The following TMEM11 variants were observed in gnomAD, a reference collection of about 807,000 sequenced individuals.
TMEM11 encodes the protein transmembrane protein 11, mitochondrial.
TMEM11 carries 1 observed loss-of-function variant against 17.0 expected under a neutral mutation model. The observed-to-expected ratio is 0.06, with a 90% CI of 0.02 to 0.28. The LOEUF is 0.28. Ranked by LOEUF, TMEM11 falls within the 10% of genes least tolerant of loss-of-function variation. The pLI, the probability that TMEM11 is intolerant of heterozygous loss-of-function variation, is 1.00. For synonymous variants in TMEM11, 122 were observed against 118.1 expected, an observed-to-expected ratio of 1.03 and a Z score of -0.21; for missense variants, 172 against 252.9, an observed-to-expected ratio of 0.68 and a Z score of 2.17.
chr17:21,203,669 T>C (rs1156410391), intron 1 of TMEM11, among the ~76,000 whole-genome samples: 1 of 148,724 alleles, frequency 6.7e-6, no homozygotes, highest in African/African-American at 2.5e-5. Context: ...ATTGTGCCAC[T>C]GCACTCCAGC....
At chr17:21,213,794 T>TA (rs1295645767) in intron 1 of TMEM11, 1 of 430,850 alleles carries the variant, frequency 2.3e-6, no homozygotes, top group Non-Finnish European at 4.1e-6. Flanking sequence ...CCCTGAGGCC[T>TA]GCGCTGGGCG....
At position 21,198,765 on chromosome 17, in the gene TMEM11, C is replaced by T; in HGVS notation, c.138G>A (p.Glu46=). 1 of 1,614,090 alleles carries T rather than the reference C, an allele frequency of 6.2e-7. No homozygotes were observed. ...YNGENAQDQF[E]YELEQALEAQ... ...CTTCCAGGGCCTGCTCCAGCTCGTA[C>T]TCAAACTGGTCTTGGGCATTCTCCC... is the stretch of plus-strand genomic sequence containing the variant. Residue 46 remains glutamate (E), a synonymous_variant, in exon 2 of 2, where the codon GAG becomes GAA. Transcript: ENST00000317635. The surrounding 1 kb of genome is among the most constrained non-coding windows in gnomAD (Gnocchi z 6.5).
intron 1 of TMEM11, chr17:21,213,104 G>A (rs1434606044): frequency 1.3e-5 from 2 of 151,680 alleles, no homozygotes; most frequent in Non-Finnish European, 3.0e-5. Context: ...GAATAATGCA[G>A]AGTAGTTGAG....
chr17:21,203,368 T>C (rs891367281), intron 1 of TMEM11, among the ~76,000 whole-genome samples: 3 of 152,210 alleles, frequency 2.0e-5, no homozygotes, highest in Admixed American at 6.5e-5. Context: ...TGCTGGGCCC[T>C]TGGGTTCAGG....
chr17:21,210,962 G>A (rs1189226392), intron 1 of TMEM11: 1 of 1,288,516 alleles, frequency 7.8e-7, no homozygotes, highest in East Asian at 5.6e-5. Context: ...AGGGCTCTGG[G>A]AGGTTCAGGG....
intron 1 of TMEM11, chr17:21,213,427 A>G (rs1975024246): frequency 6.6e-6 from 1 of 152,254 alleles, no homozygotes; most frequent in Non-Finnish European, 1.5e-5. Flanking sequence ...TGGAAGAAAC[A>G]CGCTCCTAGC....
intron 1 of TMEM11, among the ~76,000 whole-genome samples, chr17:21,206,556 G>A (rs1365927841): frequency 2.0e-5 from 3 of 151,892 alleles, no homozygotes; most frequent in Non-Finnish European, 2.9e-5. Context: ...ATTTTGTGGA[G>A]ACGGAGTTTC....
intron 1 of TMEM11, among the ~76,000 whole-genome samples, chr17:21,203,563 C>T (rs1232833695): frequency 6.6e-6 from 1 of 152,100 alleles, no homozygotes; most frequent in Non-Finnish European, 1.5e-5. Flanking sequence ...AAAAATTAGC[C>T]AGGCGCGGTG....
At chr17:21,199,837 C>A (rs1168986181) in intron 1 of TMEM11, among the ~76,000 whole-genome samples, 1 of 152,184 alleles carries the variant, frequency 6.6e-6, no homozygotes, top group Non-Finnish European at 1.5e-5. Flanking sequence ...GAAAAGCGAC[C>A]CTTTCCTTGA....
chr17:21,198,137 A>G lies in TMEM11; in HGVS notation c.*187T>C. The G allele has an allele frequency of 1.4e-6, 1 of 721,506 alleles. No individual in the cohort carries two copies. The highest frequency in any genetic ancestry group is 2.1e-5 in the South Asian group (1 of 48,266). 44.7% of individuals were successfully genotyped at this position (721,506 alleles called of 1,614,324 possible). On this transcript the variant is annotated 3_prime_UTR_variant, in exon 2 of 2. Coordinates refer to ENST00000317635, the MANE Select transcript of TMEM11 (RefSeq NM_003876.3). The surrounding 1 kb of genome is among the most constrained non-coding windows in gnomAD (Gnocchi z 6.5). Reference sequence around the variant, plus strand: ...TCAGACCCCCCTCTTGGGTTATGGAAATCCACATCTTAGTGTAATGAGCTG... The same window carrying G: ...TCAGACCCCCCTCTTGGGTTATGGAGATCCACATCTTAGTGTAATGAGCTG...
At chr17:21,203,440 G>A (rs1021714481) in intron 1 of TMEM11, among the ~76,000 whole-genome samples, 3 of 152,352 alleles carry the variant, frequency 2.0e-5, no homozygotes, top group African/African-American at 4.8e-5. Context: ...GCCATGACCA[G>A]GTGCGGTGGC....
chr17:21,206,371 G>T (rs997502290), intron 1 of TMEM11, among the ~76,000 whole-genome samples: 1 of 152,038 alleles, frequency 6.6e-6, no homozygotes, highest in Non-Finnish European at 1.5e-5. Context: ...ACAGACATGT[G>T]CTGCCACGCC....
At chr17:21,203,543 CGTCT>C in intron 1 of TMEM11, among the ~76,000 whole-genome samples, 1 of 152,144 alleles carries the variant, frequency 6.6e-6, no homozygotes. Context: ...AAGGTGAAAC[CGTCT>C]TTACCAAAAA....
At chr17:21,211,215 C>A in intron 1 of TMEM11, 1 of 1,289,752 alleles carries the variant, frequency 7.8e-7, no homozygotes, top group Admixed American at 2.3e-5. Flanking sequence ...TCATTACAAA[C>A]ACTGTTGGTT....
chr17:21,210,305 C>G (rs890062015), intron 1 of TMEM11, among the ~76,000 whole-genome samples: 4 of 152,170 alleles, frequency 2.6e-5, no homozygotes, highest in Non-Finnish European at 5.9e-5. Flanking sequence ...TCCTTACCTA[C>G]GAATCCAACT....
At chr17:21,205,768 T>C (rs983897679) in intron 1 of TMEM11, among the ~76,000 whole-genome samples, 2 of 151,872 alleles carry the variant, frequency 1.3e-5, no homozygotes, top group African/African-American at 4.8e-5. Flanking sequence ...AATCTGACTA[T>C]ACAAGTACTT....
At chr17:21,211,106 G>A (rs571020285) in intron 1 of TMEM11, 1 of 1,289,842 alleles carries the variant, frequency 7.8e-7, no homozygotes, top group African/African-American at 1.5e-5. Flanking sequence ...GTGTCTCAAA[G>A]ACGCCGACAG....
rs568628054 is a variant in TMEM11 at position 21,198,098 on chromosome 17, G to A, written c.*226C>T. On this transcript the variant is annotated 3_prime_UTR_variant, in exon 2 of 2. Transcript: ENST00000317635. The surrounding 1 kb of genome is among the most constrained non-coding windows in gnomAD (Gnocchi z 6.5). The stretch of plus-strand genomic sequence containing the variant: ...TCCATCAGCATTCCACTGCCCAGTC[G>A]GACTTCCACAGCCTCAGACCCCCCT... 20 of 557,734 alleles carry A rather than the reference G, an allele frequency of 3.6e-5. No individual in the cohort carries two copies. Among genetic ancestry groups the A allele is most frequent in the African/African-American group, 2.1e-4 (11 of 53,202 alleles). The allele number at this position is 557,734 out of a possible 1,614,324, so 34.5% of individuals were successfully genotyped here.
chr17:21,198,774 G>A lies in TMEM11; in HGVS notation c.129C>T (p.Asp43=), dbSNP rs771908000. Residue 43 remains aspartate, a synonymous_variant, in exon 2 of 2, where the codon GAC becomes GAT. Coordinates refer to ENST00000317635, the MANE Select transcript of TMEM11 (RefSeq NM_003876.3). The surrounding 1 kb of genome is among the most constrained non-coding windows in gnomAD (Gnocchi z 6.5). ...HEIYNGENAQ[D]QFEYELEQAL... ...CCTGCTCCAGCTCGTACTCAAACTG[G>A]TCTTGGGCATTCTCCCCATTGTAGA... 1.9e-5 allele frequency: 31 copies of A among 1,613,930 alleles called. No individual in the cohort carries two copies. The highest frequency in any genetic ancestry group is 2.5e-5 in the Non-Finnish European group (30 of 1,180,052).
Sources: gnomAD v4.1 joint callset for allele counts (sites outside exome capture counted in the v4.1 genomes callset) on GRCh38, gnomAD v4.1.1 for gene constraint, Gnocchi (gnomAD v3.1) non-coding constraint, MANE v1.5 for transcripts, NCBI Gene and HGNC (gene_info 2026-07-23, HGNC 2026-07-21) for gene names.